The following KIF16B variants were observed in gnomAD, a reference collection of about 807,000 sequenced individuals.
KIF16B encodes the protein kinesin-like protein KIF16B.
KIF16B carries 98 observed loss-of-function variants against 156.3 expected under a neutral mutation model. The observed-to-expected ratio is 0.63, with a 90% CI of 0.53 to 0.74. KIF16B has a LOEUF of 0.74. Among genes scored for constraint, KIF16B ranks in the 30% least tolerant of loss-of-function variants. The pLI is 0.00. For missense variants in KIF16B, 1,421 were observed against 1,606.5 expected, an observed-to-expected ratio of 0.88 and a Z score of 1.97; for synonymous variants, 564 against 583.7, an observed-to-expected ratio of 0.97 and a Z score of 0.49.
At chr20:16,466,552 T>C (rs1345181012) in intron 12 of KIF16B, among the ~76,000 whole-genome samples, 1 of 152,256 alleles carries the variant, frequency 6.6e-6, no homozygotes, top group African/African-American at 2.4e-5. Context: ...GGAGTTCCCC[T>C]ACACATGCTC....
At chr20:16,322,238 A>G (rs1407713913) in intron 24 of KIF16B, among the ~76,000 whole-genome samples, 2 of 151,948 alleles carry the variant, frequency 1.3e-5, no homozygotes, top group Non-Finnish European at 2.9e-5. Flanking sequence ...AATGAAATCA[A>G]TAATTTGAGG....
intron 17 of KIF16B, among the ~76,000 whole-genome samples, chr20:16,384,609 T>G (rs951411743): frequency 2.0e-5 from 3 of 152,126 alleles, no homozygotes; most frequent in Non-Finnish European, 4.4e-5. Flanking sequence ...GAAGAACACA[T>G]ACTCTTGGTG....
intron 23 of KIF16B, among the ~76,000 whole-genome samples, chr20:16,337,874 C>G (rs6034456): frequency 4.6e-5 from 7 of 152,230 alleles, no homozygotes; most frequent in African/African-American, 1.7e-4. Context: ...ATGCTGCAGC[C>G]TGTTTGCACA....
intron 22 of KIF16B, chr20:16,366,968 T>G: frequency 7.8e-7 from 1 of 1,287,754 alleles, no homozygotes; most frequent in Non-Finnish European, 9.8e-7. Flanking sequence ...CTATTAGCTG[T>G]TTTTATTTTA....
chr20:16,273,342 C>G lies in KIF16B; in HGVS notation c.3865G>C (p.Gly1289Arg), dbSNP rs1189405096. ...ATSPLHINKV[G>R]LTLSKHTICE... The stretch of plus-strand genomic sequence containing the variant: ...ATGGTATGTTTCGAGAGAGTCAGTC[C>G]CACTTTGTTGATGTGGAGGGGAGAT... The change falls in exon 26 of 26, where the codon GGA becomes CGA. Residue 1289 changes from glycine (G) to arginine (R), a missense_variant. Coordinates refer to ENST00000354981, the MANE Select transcript of KIF16B (RefSeq NM_024704.5). 3 of 1,613,666 alleles carry G rather than the reference C, an allele frequency of 1.9e-6. No homozygotes were observed. Among genetic ancestry groups the G allele is most frequent in the Non-Finnish European group, 2.5e-6 (3 of 1,179,658 alleles).
chr20:16,423,708 C>T (rs536316072), intron 15 of KIF16B, among the ~76,000 whole-genome samples: 7 of 152,056 alleles, frequency 4.6e-5, no homozygotes, highest in Non-Finnish European at 1.0e-4. Context: ...GAGGACAGTC[C>T]GTCATCATAA....
chr20:16,478,016 G>A (rs182856604), intron 12 of KIF16B, among the ~76,000 whole-genome samples: 14 of 152,266 alleles, frequency 9.2e-5, no homozygotes, highest in African/African-American at 2.4e-4. Flanking sequence ...GGGCATCTGC[G>A]ACAAGTGGTG....
chr20:16,297,906 C>T (rs1420287795), intron 25 of KIF16B, among the ~76,000 whole-genome samples: 1 of 152,116 alleles, frequency 6.6e-6, no homozygotes, highest in East Asian at 1.9e-4. Context: ...TGGGAATACC[C>T]TAGTCACTGC....
chr20:16,474,036 T>G (rs2067738318), intron 12 of KIF16B, among the ~76,000 whole-genome samples: 1 of 152,194 alleles, frequency 6.6e-6, no homozygotes, highest in Non-Finnish European at 1.5e-5. Context: ...GCTCACTCAG[T>G]GTTCCCAAAA....
chr20:16,341,863 T>C (rs2064145196), intron 23 of KIF16B, among the ~76,000 whole-genome samples: 1 of 152,222 alleles, frequency 6.6e-6, no homozygotes, highest in Non-Finnish European at 1.5e-5. Context: ...CCAAAGCCCT[T>C]AGTGCGGCAT....
At chr20:16,288,628 T>C (rs2063264100) in intron 25 of KIF16B, among the ~76,000 whole-genome samples, 1 of 150,224 alleles carries the variant, frequency 6.7e-6, no homozygotes, top group Non-Finnish European at 1.5e-5. Flanking sequence ...CTGTATGGTA[T>C]GTACCTTAGT....
chr20:16,276,803 C>T (rs924037181), intron 25 of KIF16B, among the ~76,000 whole-genome samples: 2 of 152,244 alleles, frequency 1.3e-5, no homozygotes, highest in South Asian at 2.1e-4. Context: ...CCCTATCATC[C>T]CTGGAACACT....
At chr20:16,450,271 T>C (rs935350418) in intron 12 of KIF16B, among the ~76,000 whole-genome samples, 5 of 152,184 alleles carry the variant, frequency 3.3e-5, no homozygotes, top group African/African-American at 1.2e-4. Context: ...TCAGTATTGG[T>C]GTTTATGCAA....
chr20:16,527,760 A>G lies in KIF16B; in HGVS notation c.117+611T>C, dbSNP rs555025270. Among the ~76,000 whole-genome samples, 3 of 152,196 alleles carry G rather than the reference A, an allele frequency of 2.0e-5. No homozygotes were observed. In the East Asian group the frequency reaches 5.8e-4, roughly 30 times the overall value. ...CCCAGCTCTGATTTCTTCAATATTA[A>G]TTTTATACCCCCGTTACCCTCCTCA... On this transcript the variant is annotated intron_variant, in intron 2 of 25. Coordinates refer to ENST00000354981, the MANE Select transcript of KIF16B (RefSeq NM_024704.5).
chr20:16,550,419 C>A (rs912031529), intron 1 of KIF16B, among the ~76,000 whole-genome samples: 2 of 151,944 alleles, frequency 1.3e-5, no homozygotes, highest in African/African-American at 4.8e-5. Context: ...ACTAGTTCAA[C>A]CATTGTGGAA....
chr20:16,391,209 A>G (rs1186910333), intron 17 of KIF16B, among the ~76,000 whole-genome samples: 1 of 152,166 alleles, frequency 6.6e-6, no homozygotes, highest in East Asian at 1.9e-4. Context: ...GGAAGTGATG[A>G]GAAATAACAG....
At chr20:16,542,966 C>T (rs1452989960) in intron 1 of KIF16B, among the ~76,000 whole-genome samples, 2 of 152,134 alleles carry the variant, frequency 1.3e-5, no homozygotes, top group East Asian at 3.9e-4. Context: ...GATGCTGGGC[C>T]AGGGTACAGG....
chr20:16,400,154 T>C (rs1284210243), intron 17 of KIF16B, among the ~76,000 whole-genome samples: 1 of 152,204 alleles, frequency 6.6e-6, no homozygotes, highest in Admixed American at 6.5e-5. Context: ...CATCAGGAAA[T>C]CCATCCAGGT....
At chr20:16,382,827 TA>T (rs2065131437) in intron 17 of KIF16B, among the ~76,000 whole-genome samples, 1 of 151,890 alleles carries the variant, frequency 6.6e-6, no homozygotes, top group South Asian at 2.1e-4. Context: ...CAGATACAGC[TA>T]AAAAGCTTGG....
Sources: gnomAD v4.1 joint callset for allele counts (sites outside exome capture counted in the v4.1 genomes callset) on GRCh38, gnomAD v4.1.1 for gene constraint, MANE v1.5 for transcripts, NCBI Gene and HGNC (gene_info 2026-07-23, HGNC 2026-07-21) for gene names.